Variants in DOCK4 observed in about 807,000 individuals in gnomAD.
DOCK4 encodes the protein dedicator of cytokinesis protein 4.
Under a neutral mutation model 268.1 loss-of-function variants are expected in DOCK4, and 97 were observed. The ratio of observed to expected loss-of-function variants is 0.36; its 90% CI spans 0.31 to 0.43. The LOEUF is 0.43. Among genes scored for constraint, DOCK4 ranks in the 20% least tolerant of loss-of-function variants. DOCK4 has a pLI of 1.00. For synonymous variants in DOCK4, 954 were observed against 887.2 expected (o/e 1.08, Z -1.34); for missense variants, 2,145 against 2,455.7 (o/e 0.87, Z 2.67).
intron 13 of DOCK4, among the ~76,000 whole-genome samples, chr7:111,913,293 G>C (rs1447223898): frequency 6.6e-6 from 1 of 151,994 alleles, no homozygotes; most frequent in Non-Finnish European, 1.5e-5. Flanking sequence ...AGGTGGGCCA[G>C]GCACTGTGGC....
chr7:111,900,356 A>G lies in DOCK4; in HGVS notation c.1480+18T>C. 7 of 1,610,384 alleles carry G rather than the reference A, an allele frequency of 4.3e-6. No individual in the cohort carries two copies. The highest frequency in any genetic ancestry group is 5.9e-6 in the Non-Finnish European group (7 of 1,178,236). On this transcript the variant is annotated intron_variant, in intron 15 of 52. Coordinates refer to ENST00000428084, the MANE Select transcript of DOCK4 (RefSeq NM_001363540.2). ...CCAGCACAATAGACACAGGTAGCCA[A>G]TGCCACCAAACACTTACTGGAACAA...
chr7:111,753,754 GC>G (rs1796846044), intron 42 of DOCK4, among the ~76,000 whole-genome samples: 1 of 152,176 alleles, frequency 6.6e-6, no homozygotes, highest in African/African-American at 2.4e-5. Flanking sequence ...GAAACCAATA[GC>G]TTTAATCGAC....
intron 12 of DOCK4, among the ~76,000 whole-genome samples, chr7:111,923,229 T>C (rs1793307884): frequency 6.6e-6 from 1 of 152,222 alleles, no homozygotes; most frequent in Admixed American, 6.5e-5. Context: ...GTAAATAGTA[T>C]ATGCTATTTT....
intron 1 of DOCK4, among the ~76,000 whole-genome samples, chr7:112,187,927 C>T (rs1180716428): frequency 6.6e-6 from 1 of 152,088 alleles, no homozygotes; most frequent in Non-Finnish European, 1.5e-5. Context: ...AATATGACCC[C>T]TTTAACCAAT....
At chr7:111,827,532 G>T (rs1586107091) in intron 26 of DOCK4, among the ~76,000 whole-genome samples, 1 of 152,110 alleles carries the variant, frequency 6.6e-6, no homozygotes, top group Non-Finnish European at 1.5e-5. Context: ...ACTGTATCCT[G>T]GGAAGGCTTC....
chr7:111,939,000 G>C (rs113656150), intron 11 of DOCK4, among the ~76,000 whole-genome samples: 7 of 150,446 alleles, frequency 4.7e-5, no homozygotes, highest in Admixed American at 4.0e-4. Flanking sequence ...AGTTGGGGGG[G>C]TGGGGGATTG....
At chr7:111,910,356 G>A (rs1791991866) in intron 13 of DOCK4, among the ~76,000 whole-genome samples, 2 of 152,318 alleles carry the variant, frequency 1.3e-5, no homozygotes, top group South Asian at 4.1e-4. Context: ...CTGTTAAGAT[G>A]TTTAGAGTTG....
At chr7:112,200,731 A>AAAAAT (rs1554478884) in intron 1 of DOCK4, among the ~76,000 whole-genome samples, 3 of 115,804 alleles carry the variant, frequency 2.6e-5, no homozygotes, top group South Asian at 3.0e-4. Flanking sequence ...AAAATAAAAA[A>AAAAAT]AAAAAAACAA....
At chr7:112,154,403 A>G (rs1197266257) in intron 1 of DOCK4, among the ~76,000 whole-genome samples, 1 of 152,048 alleles carries the variant, frequency 6.6e-6, no homozygotes, top group Non-Finnish European at 1.5e-5. Flanking sequence ...TAAGAGCACA[A>G]CTCCATGCTA....
intron 8 of DOCK4, among the ~76,000 whole-genome samples, chr7:111,960,915 T>C (rs1308716117): frequency 1.3e-5 from 2 of 152,226 alleles, no homozygotes; most frequent in Non-Finnish European, 2.9e-5. Context: ...ACATTTTCTT[T>C]ATCCATTCAT....
At chr7:111,803,062 T>C (rs920402218) in intron 30 of DOCK4, among the ~76,000 whole-genome samples, 8 of 152,240 alleles carry the variant, frequency 5.3e-5, no homozygotes, top group Admixed American at 2.6e-4. Flanking sequence ...TTTCCTTTGA[T>C]GGTCTTAAAA....
chr7:112,051,582 G>A (rs1205317607), intron 1 of DOCK4, among the ~76,000 whole-genome samples: 1 of 151,928 alleles, frequency 6.6e-6, no homozygotes, highest in Non-Finnish European at 1.5e-5. Flanking sequence ...ATCATTTTTG[G>A]AGAAGACATT....
intron 1 of DOCK4, among the ~76,000 whole-genome samples, chr7:112,066,719 ATATATATATATATATATATATATC>A (rs1807084107): frequency 1.2e-5 from 1 of 83,534 alleles, no homozygotes; most frequent in Non-Finnish European, 2.4e-5. Flanking sequence ...ATATATATAT[ATATATATATATATATATATATATC>A]TCCTATTGGC....
At chr7:111,984,247 G>A in intron 7 of DOCK4, 59 bp downstream of exon 7, 1 of 1,429,840 alleles carries the variant, frequency 7.0e-7, no homozygotes, top group Non-Finnish European at 9.7e-7. Flanking sequence ...AGTATGAGGA[G>A]TGCCATGGAA....
In DOCK4 at chr7:111,736,801, C is replaced by T. The variant is rs1223125480; in HGVS notation, c.5305+116G>A. ...TTAATCCCTTAAAGAGCATACTAGT[C>T]CTGATCATTAAAGAGCTAGAGCACT... is the stretch of plus-strand genomic sequence containing the variant. On this transcript the variant is annotated intron_variant, in intron 50 of 52. Transcript: ENST00000428084. 7 of 889,634 alleles carry T rather than the reference C, an allele frequency of 7.9e-6. No individual in the cohort carries two copies. In the East Asian group the frequency reaches 7.9e-5, roughly 10 times the overall value. The allele number at this position is 889,634 out of a possible 1,614,324, so 55.1% of individuals were successfully genotyped here. A position where few individuals can be genotyped will look rare whatever the true frequency, so the allele number is the denominator to read the frequency against.
chr7:111,783,058 C>A, intron 34 of DOCK4, 134 bp from the exon 35 acceptor site: 1 of 764,624 alleles, frequency 1.3e-6, no homozygotes, highest in South Asian at 1.7e-5. Context: ...GGACCAGAGG[C>A]AATTTGCATT....
chr7:111,790,467 T>C lies in DOCK4; in HGVS notation c.3305A>G (p.Asn1102Ser), dbSNP rs759143400. 2.4e-5 allele frequency: 38 copies of C among 1,613,684 alleles called. No homozygotes were observed. The highest frequency in any genetic ancestry group is 3.0e-5 in the Non-Finnish European group (35 of 1,179,810). ...AGCACTTCTGCCTACCTGTTTAAAG[T>C]TGCCACTCCGCCTCTGCTCCCAGTC... ...MMDWEQRRSG[N>S]FKQVEAKLID... Residue 1102 changes from asparagine to serine, a missense_variant, in exon 31 of 53, where the codon AAC becomes AGC. Coordinates refer to ENST00000428084, the MANE Select transcript of DOCK4 (RefSeq NM_001363540.2).
intron 8 of DOCK4, among the ~76,000 whole-genome samples, chr7:111,954,084 TTC>T (rs765909226): frequency 5.3e-5 from 8 of 152,184 alleles, no homozygotes; most frequent in Admixed American, 2.0e-4. Context: ...GTTAGTAAAC[TTC>T]TGTTTTTCTC....
chr7:112,114,680 C>G (rs546836090), intron 1 of DOCK4, among the ~76,000 whole-genome samples: 1 of 152,112 alleles, frequency 6.6e-6, no homozygotes, highest in African/African-American at 2.4e-5. Context: ...AAGATGTGAA[C>G]CCGAGGGACT....
Sources: allele counts gnomAD v4.1 joint callset (sites outside exome capture counted in the v4.1 genomes callset), GRCh38; gene constraint gnomAD v4.1.1; transcripts MANE v1.5; gene names NCBI Gene and HGNC (gene_info 2026-07-23, HGNC 2026-07-21).